Variants in ZNF516 observed in about 807,000 individuals in gnomAD.
ZNF516 encodes the protein zinc finger protein 516.
A neutral mutation model predicts 79.7 loss-of-function variants in ZNF516; 19 were observed. That is an observed-to-expected ratio of 0.24 (90% CI 0.17 to 0.35). The LOEUF is 0.35. Ranked by LOEUF, ZNF516 falls within the 10% of genes least tolerant of loss-of-function variation. The probability of loss-of-function intolerance (pLI) is 1.00; values close to 1 mark genes in which losing one functional copy is unlikely to be tolerated. For synonymous variants in ZNF516, 877 were observed against 739.5 expected, an observed-to-expected ratio of 1.19 and a Z score of -3.02; for missense variants, 1,678 against 1,679.5, an observed-to-expected ratio of 1.00 and a Z score of 0.02.
At position 76,392,632 on chromosome 18, in the gene ZNF516, GA is replaced by G. The variant is rs2075093901; in HGVS notation, c.1811-12330del. Among the ~76,000 whole-genome samples, 2 of 131,906 alleles carry G rather than the reference GA, an allele frequency of 1.5e-5. 1 individual carries two copies. Among genetic ancestry groups the G allele is most frequent in the Non-Finnish European group, 3.1e-5 (2 of 63,596 alleles). The allele number at this position is 131,906 out of a possible 152,430, so 86.5% of individuals were successfully genotyped here. On this transcript the variant is annotated intron_variant, in intron 3 of 6. Transcript: ENST00000443185. ...AGGTGGGAAGACAAGTGGCCAGGTG[GA>G]GGGAGGGCAGGCGGGAAGGCAGGTG...
Position 76,362,376 on chromosome 18 carries a change from T to C in ZNF516, c.*122A>G. On this transcript the variant is annotated 3_prime_UTR_variant, in exon 7 of 7. Coordinates refer to ENST00000443185, the MANE Select transcript of ZNF516 (RefSeq NM_014643.4). ...GCGGCTCGGGATGTGAGGTGTCTGCTCAGGAGTTCCCCGGCTGTTCTTCCA... is the reference window on the plus strand; with the variant it reads ...GCGGCTCGGGATGTGAGGTGTCTGCCCAGGAGTTCCCCGGCTGTTCTTCCA... 1.1e-6 allele frequency: 1 copy of C among 917,328 alleles called. No homozygotes were observed. Among genetic ancestry groups the C allele is most frequent in the Admixed American group, 2.3e-5 (1 of 44,006 alleles). 56.8% of individuals were successfully genotyped at this position (917,328 alleles called of 1,614,324 possible).
intron 3 of ZNF516, chr18:76,388,320 G>C (rs1224751038): frequency 6.6e-6 from 1 of 152,228 alleles, no homozygotes; most frequent in Non-Finnish European, 1.5e-5. Context: ...TCCACAGATA[G>C]CAACTGCTAA....
intron 3 of ZNF516, among the ~76,000 whole-genome samples, chr18:76,383,050 A>G (rs2074919761): frequency 6.6e-6 from 1 of 151,444 alleles, no homozygotes; most frequent in South Asian, 2.1e-4. Flanking sequence ...AAAAAAAAAA[A>G]AAAAAAAAAG....
intron 2 of ZNF516, among the ~76,000 whole-genome samples, chr18:76,450,338 T>TCCC (rs1912327393): frequency 9.7e-6 from 1 of 103,138 alleles, no homozygotes; most frequent in African/African-American, 3.7e-5. Flanking sequence ...TATCTGCCCC[T>TCCC]CCCCCTCCCC....
intron 3 of ZNF516, among the ~76,000 whole-genome samples, chr18:76,383,035 CAAAAAA>C (rs772423972): frequency 8.0e-5 from 4 of 49,798 alleles, no homozygotes; most frequent in African/African-American, 1.7e-4. Context: ...GACTCTGTCT[CAAAAAA>C]AAAAAAAAAA....
At chr18:76,473,916 G>GGA (rs1568322785) in intron 1 of ZNF516, among the ~76,000 whole-genome samples, 2 of 128,274 alleles carry the variant, frequency 1.6e-5, no homozygotes, top group Admixed American at 7.9e-5. Flanking sequence ...GGGGGGGGGG[G>GGA]GCTTTCTTTT....
At chr18:76,410,180 G>A (rs1328566441) in intron 3 of ZNF516, among the ~76,000 whole-genome samples, 3 of 152,178 alleles carry the variant, frequency 2.0e-5, no homozygotes, top group African/African-American at 4.8e-5. Context: ...ACTAATACAG[G>A]AGGCTCCCAG....
chr18:76,465,737 G>C (rs1257792237), intron 1 of ZNF516, among the ~76,000 whole-genome samples: 1 of 152,190 alleles, frequency 6.6e-6, no homozygotes, highest in Non-Finnish European at 1.5e-5. Flanking sequence ...CAAACTGAGG[G>C]CACAGAAGTC....
In ZNF516 at chr18:76,371,469, G is replaced by C; in HGVS notation, c.3362C>G (p.Ser1121Ter). 6.2e-7 allele frequency: 1 copy of C among 1,606,130 alleles called. No individual in the cohort carries two copies. The highest frequency in any genetic ancestry group is 8.5e-7 in the Non-Finnish European group (1 of 1,179,456). ...ATAGCTGGGCGGGAGGGCGATACCT[G>C]AGTGTGCCCGCATGTGGGCCCTGAG... ...GHLRAHMRAH[S>*]VVFESDGPRG... The change falls in exon 5 of 7, where the codon TCA becomes TGA. Residue 1121 changes from serine (S) to a stop codon, truncating the protein, a stop_gained and splice_region_variant. Coordinates refer to ENST00000443185, the MANE Select transcript of ZNF516 (RefSeq NM_014643.4). LOFTEE classifies it high-confidence loss of function.
intron 3 of ZNF516, among the ~76,000 whole-genome samples, chr18:76,396,545 A>G (rs1025942305): frequency 2.0e-5 from 3 of 152,234 alleles, no homozygotes; most frequent in Non-Finnish European, 4.4e-5. Context: ...CACAGTCATC[A>G]ACAGTGTTGC....
In ZNF516 at chr18:76,361,507, G is replaced by C. The variant is rs1292008203; in HGVS notation, c.*991C>G. On this transcript the variant is annotated 3_prime_UTR_variant, in exon 7 of 7. Coordinates refer to ENST00000443185, the MANE Select transcript of ZNF516 (RefSeq NM_014643.4). ...CTGGGGTGGCTCAGGGAAGGGGCGG[G>C]GAGGCAAAGAGTGGGGACAGAAGGC... 2 of 152,258 alleles carry C rather than the reference G, an allele frequency of 1.3e-5. No individual in the cohort carries two copies. Among genetic ancestry groups the C allele is most frequent in the African/African-American group, 4.8e-5 (2 of 41,430 alleles). The allele number at this position is 152,258 out of a possible 1,614,324, so 9.4% of individuals were successfully genotyped here. A position where few individuals can be genotyped will look rare whatever the true frequency, so the allele number is the denominator to read the frequency against.
chr18:76,445,770 A>G (rs1469486000), intron 2 of ZNF516, among the ~76,000 whole-genome samples: 1 of 152,240 alleles, frequency 6.6e-6, no homozygotes, highest in Non-Finnish European at 1.5e-5. Flanking sequence ...GACAGGATTC[A>G]CCCAGGAGGA....
At chr18:76,366,590 T>C (rs975877607) in intron 6 of ZNF516, among the ~76,000 whole-genome samples, 1 of 152,212 alleles carries the variant, frequency 6.6e-6, no homozygotes, top group African/African-American at 2.4e-5. Flanking sequence ...AAGCAACATC[T>C]ACCAACTGGC....
At chr18:76,412,044 G>C (rs2075377947) in intron 3 of ZNF516, among the ~76,000 whole-genome samples, 1 of 151,324 alleles carries the variant, frequency 6.6e-6, no homozygotes, top group Non-Finnish European at 1.5e-5. Context: ...GTGTGGGTGT[G>C]TATTCCAGAT....
In ZNF516 at chr18:76,358,058, C is replaced by T. The variant is rs939374266; in HGVS notation, c.*4440G>A. On this transcript the variant is annotated 3_prime_UTR_variant, in exon 7 of 7. Transcript: ENST00000443185. ...AACGATCTTGTGAATTACCCTAAAA[C>T]TCTTCCATAAATAAAGAGCATTAAC... 22 of 152,242 alleles carry T rather than the reference C, an allele frequency of 1.4e-4. No homozygotes were observed. Among genetic ancestry groups the T allele is most frequent in the Admixed American group, 1.2e-3 (18 of 15,288 alleles). 9.4% of individuals were successfully genotyped at this position (152,242 alleles called of 1,614,324 possible).
rs146002847 is a variant in ZNF516, at chr18:76,360,821, T to TATA, written c.*1674_*1676dup. On this transcript the variant is annotated 3_prime_UTR_variant, in exon 7 of 7. Coordinates refer to ENST00000443185, the MANE Select transcript of ZNF516 (RefSeq NM_014643.4). ...ATAATAATAATAATAATAATAATAATATAATAATATTCAACAAATCATTAG... is the reference window on the plus strand; with the variant it reads ...ATAATAATAATAATAATAATAATAATATAATAATAATATTCAACAAATCATTAG... 8 of 146,806 alleles carry TATA rather than the reference T, an allele frequency of 5.4e-5. No individual in the cohort carries two copies. Among genetic ancestry groups the TATA allele is most frequent in the Admixed American group, 1.4e-4 (2 of 14,718 alleles). 9.1% of individuals were successfully genotyped at this position (146,806 alleles called of 1,614,324 possible).
Position 76,379,825 on chromosome 18 carries a change from A to G in ZNF516, c.2289T>C (p.Pro763=). 1 of 1,613,844 alleles carries G rather than the reference A, an allele frequency of 6.2e-7. No homozygotes were observed. Among genetic ancestry groups the G allele is most frequent in the South Asian group, 1.1e-5 (1 of 91,070 alleles). The stretch of plus-strand genomic sequence containing the variant: ...GGTAGTAGGTCTTGTGGCTGCAGTA[A>G]GGACACGGGTGAACGACTAAAGCCG... ...LQAALVVHPC[P]YCSHKTYYPE... The change falls in exon 4 of 7, where the codon CCT becomes CCC. Residue 763 remains proline, a synonymous_variant. Coordinates refer to ENST00000443185, the MANE Select transcript of ZNF516 (RefSeq NM_014643.4).
At chr18:76,486,417 G>A (rs1771971883) in intron 1 of ZNF516, among the ~76,000 whole-genome samples, 1 of 152,234 alleles carries the variant, frequency 6.6e-6, no homozygotes, top group Admixed American at 6.5e-5. Flanking sequence ...CACATGGGAA[G>A]AGTGGGGGAT....
intron 3 of ZNF516, among the ~76,000 whole-genome samples, chr18:76,438,601 A>AC: frequency 6.6e-6 from 1 of 152,292 alleles, no homozygotes. Context: ...ACCAAGTCTT[A>AC]TGTGGGGATA....
Sources: gnomAD v4.1 joint callset for allele counts (sites outside exome capture counted in the v4.1 genomes callset) on GRCh38, gnomAD v4.1.1 for gene constraint, MANE v1.5 for transcripts, NCBI Gene and HGNC (gene_info 2026-07-23, HGNC 2026-07-21) for gene names.